ROCK1: variants seen among roughly 807,000 people sequenced by gnomAD.
ROCK1 encodes the protein Rho associated coiled-coil containing protein kinase 1.
In ROCK1, 36 loss-of-function variants were observed where a neutral mutation model predicts 196.8. The observed-to-expected ratio is 0.18, with a 90% CI of 0.14 to 0.24. The LOEUF (loss-of-function observed/expected upper bound fraction) is 0.24. Ranked by LOEUF, ROCK1 falls within the 10% of genes least tolerant of loss-of-function variation. The pLI is 1.00. For missense variants in ROCK1, 920 were observed against 1,562.0 expected, an observed-to-expected ratio of 0.59 and a Z score of 6.93; for synonymous variants, 443 against 515.9, an observed-to-expected ratio of 0.86 and a Z score of 1.91.
chr18:21,097,140 T>C (rs936856861), intron 1 of ROCK1, among the ~76,000 whole-genome samples: 1 of 152,090 alleles, frequency 6.6e-6, no homozygotes, highest in African/African-American at 2.4e-5. Context: ...TTTTGGGAAA[T>C]GCTGGGAATA....
chr18:20,972,395 G>A (rs553740992), intron 22 of ROCK1, among the ~76,000 whole-genome samples: 2 of 152,250 alleles, frequency 1.3e-5, no homozygotes, highest in African/African-American at 4.8e-5. Context: ...CACTCAAGCA[G>A]AGATGTCAAT....
At chr18:21,059,321 T>C (rs2036269661) in intron 2 of ROCK1, among the ~76,000 whole-genome samples, 1 of 152,208 alleles carries the variant, frequency 6.6e-6, no homozygotes, top group African/African-American at 2.4e-5. Flanking sequence ...TCTTTAGACA[T>C]TCCTGATTCC....
At position 21,044,089 on chromosome 18, in the gene ROCK1, CTAGT is replaced by C. The variant is rs2036134640; in HGVS notation, c.675+9_675+12del. The C allele has an allele frequency of 2.7e-6, 4 of 1,490,400 alleles. No individual in the cohort carries two copies. Among genetic ancestry groups the C allele is most frequent in the Non-Finnish European group, 3.7e-6 (4 of 1,076,500 alleles). The allele number at this position is 1,490,400 out of a possible 1,614,324, so 92.3% of individuals were successfully genotyped here. On this transcript the variant is annotated intron_variant, in intron 6 of 32. Coordinates refer to ENST00000399799, the MANE Select transcript of ROCK1 (RefSeq NM_005406.3). ...GAATTAGCAAAAACTAAATTAAAATCTAGTTAATTAACCTTATTCATCTTCATAC... is the reference window on the plus strand; with the variant it reads ...GAATTAGCAAAAACTAAATTAAAATCTAATTAACCTTATTCATCTTCATAC...
chr18:21,052,219 T>C (rs1176918231), intron 2 of ROCK1, among the ~76,000 whole-genome samples: 3 of 152,224 alleles, frequency 2.0e-5, no homozygotes, highest in Non-Finnish European at 4.4e-5. Flanking sequence ...ATGCCTCTGT[T>C]GGATGGCTTT....
chr18:21,081,645 G>C (rs1048935926), intron 1 of ROCK1, among the ~76,000 whole-genome samples: 1 of 152,006 alleles, frequency 6.6e-6, no homozygotes, highest in Non-Finnish European at 1.5e-5. Context: ...AAAGAGAGAA[G>C]ACTCAAATTA....
chr18:20,966,828 T>C (rs2085144495), intron 27 of ROCK1, 89 bp downstream of exon 27: 1 of 1,025,614 alleles, frequency 9.8e-7, no homozygotes, highest in Non-Finnish European at 1.4e-6. Flanking sequence ...ATGGACAAAA[T>C]GACAAGGAGG....
chr18:20,977,876 T>C (rs566897114), intron 22 of ROCK1, among the ~76,000 whole-genome samples: 55 of 152,290 alleles, frequency 3.6e-4, no homozygotes, highest in African/African-American at 1.3e-3. Context: ...TTCTACAATA[T>C]GACTATATCA....
chr18:21,020,593 C>T (rs1333721676), intron 11 of ROCK1, among the ~76,000 whole-genome samples: 3 of 152,054 alleles, frequency 2.0e-5, no homozygotes, highest in Non-Finnish European at 2.9e-5. Flanking sequence ...AAATTATCTA[C>T]GGAGTGTTCC....
chr18:21,091,296 A>G (rs2036567949), intron 1 of ROCK1, among the ~76,000 whole-genome samples: 1 of 152,144 alleles, frequency 6.6e-6, no homozygotes, highest in Admixed American at 6.5e-5. Flanking sequence ...ACTTTACTGT[A>G]AGAATACAGT....
intron 1 of ROCK1, among the ~76,000 whole-genome samples, chr18:21,076,528 A>G (rs1454408140): frequency 6.6e-6 from 1 of 152,124 alleles, no homozygotes; most frequent in Non-Finnish European, 1.5e-5. Flanking sequence ...CAGTTAAATG[A>G]TAAGTTTTAT....
At chr18:20,966,771 T>A in intron 27 of ROCK1, 146 bp downstream of exon 27, 1 of 635,558 alleles carries the variant, frequency 1.6e-6, no homozygotes, top group Non-Finnish European at 2.7e-6. Context: ...TGTATAATCA[T>A]CATCAGGCCT....
intron 23 of ROCK1, among the ~76,000 whole-genome samples, chr18:20,969,793 T>G (rs2035409115): frequency 6.6e-6 from 1 of 152,140 alleles, no homozygotes; most frequent in Non-Finnish European, 1.5e-5. Context: ...TATAACTTCT[T>G]AGGGGCAAAA....
chr18:21,081,453 T>C (rs2036482191), intron 1 of ROCK1, among the ~76,000 whole-genome samples: 1 of 151,814 alleles, frequency 6.6e-6, no homozygotes, highest in Non-Finnish European at 1.5e-5. Context: ...AACTTAATAC[T>C]ATAAGGAACT....
chr18:21,044,469 T>C (rs992678773), intron 5 of ROCK1, among the ~76,000 whole-genome samples: 4 of 151,990 alleles, frequency 2.6e-5, no homozygotes, highest in Non-Finnish European at 5.9e-5. Flanking sequence ...AATACAACAC[T>C]CAGACATAAA....
intron 4 of ROCK1, among the ~76,000 whole-genome samples, chr18:21,045,899 G>GTTTCTTTTTTTTTT (rs746861081): frequency 3.2e-5 from 2 of 62,470 alleles, no homozygotes; most frequent in African/African-American, 1.4e-4. Flanking sequence ...AGTTTCAGCT[G>GTTTCTTTTTTTTTT]TTTTTTTTTT....
At chr18:21,006,308 T>C in intron 16 of ROCK1, 43 bp downstream of exon 16, 1 of 1,477,326 alleles carries the variant, frequency 6.8e-7, no homozygotes, top group South Asian at 1.2e-5. Context: ...TTATAATAAA[T>C]TTCATGTTAC....
intron 16 of ROCK1, among the ~76,000 whole-genome samples, chr18:20,995,534 C>G (rs961130327): frequency 6.6e-6 from 1 of 152,106 alleles, no homozygotes; most frequent in Non-Finnish European, 1.5e-5. Context: ...ATTTCTGGAC[C>G]TGCTCTGGGC....
intron 1 of ROCK1, among the ~76,000 whole-genome samples, chr18:21,090,731 C>A (rs2036562483): frequency 6.6e-6 from 1 of 152,132 alleles, no homozygotes; most frequent in South Asian, 2.1e-4. Flanking sequence ...AGAAATTCGA[C>A]AACAACAAAT....
In ROCK1 at chr18:21,070,624, A is replaced by C. The variant is rs1165207603; in HGVS notation, c.94-11T>G. The C allele has an allele frequency of 6.3e-7, 1 of 1,586,004 alleles. No homozygotes were observed. The highest frequency in any genetic ancestry group is 8.6e-7 in the Non-Finnish European group (1 of 1,162,930). Reference sequence around the variant, plus strand: ...AGCATCCAATCCATCCTAAAGAAACAAACAAACAATGGTTAGTTTTTTGGA... The same window carrying C: ...AGCATCCAATCCATCCTAAAGAAACCAACAAACAATGGTTAGTTTTTTGGA... On this transcript the variant is annotated splice_polypyrimidine_tract_variant and intron_variant, in intron 1 of 32. Transcript: ENST00000399799.
Sources: allele counts gnomAD v4.1 joint callset (sites outside exome capture counted in the v4.1 genomes callset), GRCh38; gene constraint gnomAD v4.1.1; transcripts MANE v1.5; gene names NCBI Gene and HGNC (gene_info 2026-07-23, HGNC 2026-07-21).